WASHC3: variants seen among roughly 807,000 people sequenced by gnomAD.
WASHC3 encodes WASH complex subunit CCDC53.
WASHC3 carries 24 observed loss-of-function variants against 26.1 expected under a neutral mutation model. The observed-to-expected ratio is 0.92, with a 90% confidence interval of 0.66 to 1.29. The LOEUF is 1.29. Among genes scored for constraint, WASHC3 ranks in the 50% most tolerant of loss-of-function variants. The pLI, the probability that WASHC3 is intolerant of heterozygous loss-of-function variation, is 0.00. For missense variants in WASHC3, 214 were observed against 229.6 expected (o/e 0.93, Z 0.44); for synonymous variants, 77 against 75.7 (o/e 1.02, Z -0.09).
chr12:102,031,910 A>G (rs1877454250), intron 5 of WASHC3, among the ~76,000 whole-genome samples: 1 of 152,194 alleles, frequency 6.6e-6, no homozygotes, highest in Non-Finnish European at 1.5e-5. Context: ...TACTTTGACT[A>G]TACTGTTGAT....
At chr12:102,045,944 T>C (rs1388307599) in intron 3 of WASHC3, 110 bp downstream of exon 3, 3 of 635,396 alleles carry the variant, frequency 4.7e-6, no homozygotes, top group Admixed American at 5.8e-5. Flanking sequence ...ACTTCACAGA[T>C]ACAGAAGTTA....
At chr12:102,017,291 A>G (rs1876747176) in intron 6 of WASHC3, among the ~76,000 whole-genome samples, 1 of 152,100 alleles carries the variant, frequency 6.6e-6, no homozygotes, top group Non-Finnish European at 1.5e-5. Flanking sequence ...GCACAATGAC[A>G]AAATCACCTA....
chr12:102,062,019 CGCCCAACCCGGTAATCACGTCT>C (rs1878836928), upstream of WASHC3: 50 of 1,447,000 alleles, frequency 3.5e-5, no homozygotes, highest in South Asian at 5.5e-4. Flanking sequence ...AGATGGGGCC[CGCCCAACCCGGTAATCACGTCT>C]CAACTTTCCC....
chr12:102,041,772 C>T (rs1240171117), intron 4 of WASHC3, among the ~76,000 whole-genome samples: 3 of 151,996 alleles, frequency 2.0e-5, no homozygotes, highest in Non-Finnish European at 4.4e-5. Flanking sequence ...AGCTAATCAA[C>T]ACACAATTTT....
At chr12:102,046,174 ATAAC>A (rs1342742597) in intron 2 of WASHC3, 55 bp from the exon 3 acceptor site, 2 of 931,714 alleles carry the variant, frequency 2.1e-6, no homozygotes, top group South Asian at 1.5e-5. Context: ...ACTGTTAACA[ATAAC>A]TAAGGGCAGA....
At chr12:102,031,598 A>AT (rs1877440506) in intron 5 of WASHC3, among the ~76,000 whole-genome samples, 1 of 152,176 alleles carries the variant, frequency 6.6e-6, no homozygotes, top group Non-Finnish European at 1.5e-5. Context: ...CTTTATATTC[A>AT]TAAGTGTGGC....
chr12:102,060,463 T>C (rs1878758714), intron 2 of WASHC3, among the ~76,000 whole-genome samples: 1 of 152,186 alleles, frequency 6.6e-6, no homozygotes, highest in Non-Finnish European at 1.5e-5. Flanking sequence ...AATCCCTAGT[T>C]GGGTACTTAA....
intron 2 of WASHC3, 90 bp downstream of exon 2, chr12:102,061,158 G>C (rs1878793359): frequency 1.2e-6 from 1 of 822,200 alleles, no homozygotes; most frequent in African/African-American, 1.7e-5. Context: ...CATGAATAAA[G>C]ACTGTAATTC....
At chr12:102,025,788 G>C in intron 6 of WASHC3, 186 bp downstream of exon 6, 1 of 519,454 alleles carries the variant, frequency 1.9e-6, no homozygotes, top group Non-Finnish European at 3.3e-6. Context: ...ATGTGTAAAG[G>C]CTGGTCTTAG....
In WASHC3 at chr12:102,039,743, G is replaced by T. The variant is rs1390834387; in HGVS notation, c.435+125C>A. On this transcript the variant is annotated intron_variant, in intron 5 of 6. Coordinates refer to ENST00000240079, the MANE Select transcript of WASHC3 (RefSeq NM_016053.4). ...GAATTAAAATAGAAAGGAAGTAAGAGAATAGAAAACTTGGTTACTTGGTTT... is the reference window on the plus strand; with the variant it reads ...GAATTAAAATAGAAAGGAAGTAAGATAATAGAAAACTTGGTTACTTGGTTT... 1.1e-5 allele frequency: 5 copies of T among 449,526 alleles called. No individual in the cohort carries two copies. The East Asian group carries it at 1.3e-4, about 12-fold the overall frequency. 27.8% of individuals were successfully genotyped at this position (449,526 alleles called of 1,614,324 possible). A position where few individuals can be genotyped will look rare whatever the true frequency, so the allele number is the denominator to read the frequency against.
chr12:102,020,856 T>A (rs1272479823), intron 6 of WASHC3, among the ~76,000 whole-genome samples: 3 of 151,948 alleles, frequency 2.0e-5, no homozygotes, highest in Non-Finnish European at 2.9e-5. Context: ...CCGAGGTGGG[T>A]GGATCACCTG....
At chr12:102,056,819 C>G (rs1354187231) in intron 2 of WASHC3, among the ~76,000 whole-genome samples, 2 of 152,160 alleles carry the variant, frequency 1.3e-5, no homozygotes, top group African/African-American at 4.8e-5. Flanking sequence ...GCCTTCACTA[C>G]TGAATTCTAC....
chr12:102,018,206 C>T (rs902762442), intron 6 of WASHC3, among the ~76,000 whole-genome samples: 2 of 152,102 alleles, frequency 1.3e-5, no homozygotes, highest in African/African-American at 2.4e-5. Context: ...CCTATTCATC[C>T]ACTGATGGAT....
Position 102,013,050 on chromosome 12 carries a change from C to T in WASHC3, c.*58G>A, listed in dbSNP as rs1047821198. On this transcript the variant is annotated 3_prime_UTR_variant, in exon 7 of 7. Coordinates refer to ENST00000240079, the MANE Select transcript of WASHC3 (RefSeq NM_016053.4). ...GACTAAGAGAGTTCAGGCTCAATCTCTTACAGAATGTAAATGTACCCCTAT... is the reference window on the plus strand; with the variant it reads ...GACTAAGAGAGTTCAGGCTCAATCTTTTACAGAATGTAAATGTACCCCTAT... 10 of 783,666 alleles carry T rather than the reference C, an allele frequency of 1.3e-5. No homozygotes were observed. Among genetic ancestry groups the T allele is most frequent in the Non-Finnish European group, 1.7e-5 (8 of 468,322 alleles). The allele number at this position is 783,666 out of a possible 1,614,324, so 48.5% of individuals were successfully genotyped here.
chr12:102,029,440 C>T (rs1877338032), intron 5 of WASHC3, among the ~76,000 whole-genome samples: 1 of 152,184 alleles, frequency 6.6e-6, no homozygotes, highest in African/African-American at 2.4e-5. Flanking sequence ...AGAAGCCACA[C>T]TAATGAAATT....
chr12:102,025,753 C>T (rs181298538), intron 6 of WASHC3, among the ~76,000 whole-genome samples: 2 of 149,154 alleles, frequency 1.3e-5, no homozygotes, highest in East Asian at 3.9e-4. Flanking sequence ...AGAATAATTA[C>T]TAATCTATTG....
At chr12:102,039,503 A>G (rs561351211) in intron 5 of WASHC3, among the ~76,000 whole-genome samples, 6 of 152,264 alleles carry the variant, frequency 3.9e-5, no homozygotes, top group African/African-American at 1.2e-4. Flanking sequence ...AAAAATTTTT[A>G]AAAAATATTA....
At chr12:102,044,652 T>G (rs1423976403) in intron 3 of WASHC3, among the ~76,000 whole-genome samples, 1 of 152,236 alleles carries the variant, frequency 6.6e-6, no homozygotes, top group Non-Finnish European at 1.5e-5. Context: ...TTTGTGCAAA[T>G]TTTGAGTTTC....
At chr12:102,055,836 G>A (rs1405531168) in intron 2 of WASHC3, among the ~76,000 whole-genome samples, 1 of 152,130 alleles carries the variant, frequency 6.6e-6, no homozygotes, top group Non-Finnish European at 1.5e-5. Context: ...GTGCCACAGA[G>A]AATTTCCATA....
Sources: allele counts gnomAD v4.1 joint callset (sites outside exome capture counted in the v4.1 genomes callset), GRCh38; gene constraint gnomAD v4.1.1; transcripts MANE v1.5; gene names NCBI Gene and HGNC (gene_info 2026-07-23, HGNC 2026-07-21).